The following CCSER1 variants were observed in gnomAD, a reference collection of about 807,000 sequenced individuals.
CCSER1 encodes the protein coiled-coil serine rich protein 1, also known as serine-rich coiled-coil domain-containing protein 1.
Under a neutral mutation model 82.0 loss-of-function variants are expected in CCSER1, and 41 were observed. That is an observed-to-expected ratio of 0.50 (90% confidence interval 0.39 to 0.65). The LOEUF is 0.65. Ranked by LOEUF, CCSER1 falls within the 30% of genes least tolerant of loss-of-function variation. The pLI is 0.00. For missense variants in CCSER1, 1,119 were observed against 1,064.2 expected, an observed-to-expected ratio of 1.05 and a Z score of -0.72; for synonymous variants, 414 against 383.9, an observed-to-expected ratio of 1.08 and a Z score of -0.92.
At chr4:90,251,372 T>A (rs1722353558) in intron 1 of CCSER1, among the ~76,000 whole-genome samples, 1 of 151,980 alleles carries the variant, frequency 6.6e-6, no homozygotes, top group Non-Finnish European at 1.5e-5. Flanking sequence ...GGGATTTTTC[T>A]ACACATCCTT....
chr4:90,594,157 C>A (rs1783029776), intron 5 of CCSER1, among the ~76,000 whole-genome samples: 3 of 151,232 alleles, frequency 2.0e-5, no homozygotes, highest in Non-Finnish European at 3.0e-5. Flanking sequence ...AAAAAAAAAA[C>A]AAGCTCAAAC....
At chr4:91,427,866 T>C (rs1754082933) in intron 10 of CCSER1, among the ~76,000 whole-genome samples, 1 of 152,114 alleles carries the variant, frequency 6.6e-6, no homozygotes, top group South Asian at 2.1e-4. Flanking sequence ...TCTGTTAGTA[T>C]GCTTTTAATA....
At chr4:91,259,108 T>C (rs2149162403) in intron 10 of CCSER1, among the ~76,000 whole-genome samples, 1 of 152,046 alleles carries the variant, frequency 6.6e-6, no homozygotes, top group East Asian at 1.9e-4. Flanking sequence ...AACATAAGGA[T>C]AATTGAAAAA....
chr4:90,723,112 G>A (rs17017461), intron 6 of CCSER1, among the ~76,000 whole-genome samples: 34,419 of 151,826 alleles, frequency 0.23, 4,924 homozygotes, highest in African/African-American at 0.4. Flanking sequence ...GCATATGGGA[G>A]AATCCCTCTG....
At chr4:91,479,573 T>C (rs1214648063) in intron 10 of CCSER1, among the ~76,000 whole-genome samples, 2 of 151,696 alleles carry the variant, frequency 1.3e-5, no homozygotes, top group African/African-American at 4.8e-5. Flanking sequence ...GAAATACTAT[T>C]GGTTGAGTCT....
At chr4:90,525,220 T>G (rs1158004439) in intron 5 of CCSER1, among the ~76,000 whole-genome samples, 1 of 152,194 alleles carries the variant, frequency 6.6e-6, no homozygotes, top group Admixed American at 6.5e-5. Flanking sequence ...TGCTGTTTTC[T>G]AATTGTTTAG....
intron 4 of CCSER1, among the ~76,000 whole-genome samples, chr4:90,452,306 T>A (rs1203788618): frequency 6.6e-6 from 1 of 152,144 alleles, no homozygotes; most frequent in South Asian, 2.1e-4. Context: ...GTGGCTGAGT[T>A]TAGGGAGAGA....
rs867003786 is a variant in CCSER1 at position 91,571,047 on chromosome 4, T to C, written c.2218-27525T>C. Among the ~76,000 whole-genome samples the C allele has an allele frequency of 1.7e-4, 26 of 152,278 alleles. No homozygotes were observed. The East Asian group carries it at 5.0e-3, about 29-fold the overall frequency. On this transcript the variant is annotated intron_variant, in intron 10 of 10. Transcript: ENST00000509176. ...TTCCACCAGTCTCTTTAATAAAGTGTAGCAAGAGTGACCTTTACTCCAGTT... is the reference window on the plus strand; with the variant it reads ...TTCCACCAGTCTCTTTAATAAAGTGCAGCAAGAGTGACCTTTACTCCAGTT...
chr4:91,383,645 T>A (rs1284810962), intron 10 of CCSER1, among the ~76,000 whole-genome samples: 2 of 152,166 alleles, frequency 1.3e-5, no homozygotes, highest in Non-Finnish European at 2.9e-5. Context: ...ACAGAAAACA[T>A]TTGGCTTGCA....
At chr4:91,358,655 A>T (rs1201279931) in intron 10 of CCSER1, among the ~76,000 whole-genome samples, 2 of 152,156 alleles carry the variant, frequency 1.3e-5, no homozygotes, top group East Asian at 1.9e-4. Flanking sequence ...TTCCACTCAG[A>T]TGGAGTGAGG....
chr4:90,498,332 C>G (rs1170748655), intron 5 of CCSER1, among the ~76,000 whole-genome samples: 1 of 152,128 alleles, frequency 6.6e-6, no homozygotes, highest in Non-Finnish European at 1.5e-5. Context: ...TATTTTCAGA[C>G]TGTGATCGAC....
At chr4:90,372,303 A>C (rs1267394846) in intron 3 of CCSER1, among the ~76,000 whole-genome samples, 1 of 152,236 alleles carries the variant, frequency 6.6e-6, no homozygotes, top group African/African-American at 2.4e-5. Context: ...GAATGGACCA[A>C]TAAGAGAAAG....
At chr4:91,275,978 A>G (rs1742405096) in intron 10 of CCSER1, among the ~76,000 whole-genome samples, 1 of 151,898 alleles carries the variant, frequency 6.6e-6, no homozygotes, top group African/African-American at 2.4e-5. Context: ...AAAAACATGG[A>G]TTTATCTGGG....
At chr4:91,139,095 C>A (rs1391603991) in intron 10 of CCSER1, among the ~76,000 whole-genome samples, 1 of 152,118 alleles carries the variant, frequency 6.6e-6, no homozygotes, top group Admixed American at 6.6e-5. Context: ...CCTGAGTACT[C>A]AGTGTTTAGC....
At chr4:90,830,222 A>G (rs968451901) in intron 8 of CCSER1, among the ~76,000 whole-genome samples, 4 of 152,162 alleles carry the variant, frequency 2.6e-5, no homozygotes, top group Admixed American at 6.6e-5. Context: ...TGTTCATACT[A>G]TGTGTCAATA....
At chr4:90,648,284 GGAAAGAAA>G (rs564907502) in intron 6 of CCSER1, among the ~76,000 whole-genome samples, 5,370 of 89,816 alleles carry the variant, frequency 0.06, 138 homozygotes, top group East Asian at 0.093. Context: ...GAGAAAGAAA[GGAAAGAAA>G]GAAAGAAAGA....
chr4:90,935,619 C>T (rs62312319), intron 9 of CCSER1, among the ~76,000 whole-genome samples: 8,088 of 151,998 alleles, frequency 0.053, 303 homozygotes, highest in Admixed American at 0.12. Context: ...GAATGGTTTC[C>T]CAACTTAAAA....
chr4:91,064,515 G>GT (rs1436416045), intron 9 of CCSER1, among the ~76,000 whole-genome samples: 2 of 152,236 alleles, frequency 1.3e-5, no homozygotes, highest in African/African-American at 4.8e-5. Flanking sequence ...CTTATGCAGT[G>GT]TTTCTGCCCA....
chr4:91,425,001 C>T (rs1753889311), intron 10 of CCSER1, among the ~76,000 whole-genome samples: 1 of 152,006 alleles, frequency 6.6e-6, no homozygotes, highest in South Asian at 2.1e-4. Context: ...TTGAATTGGA[C>T]ATGTATGTTT....
Sources: allele counts gnomAD v4.1 joint callset (sites outside exome capture counted in the v4.1 genomes callset), GRCh38; gene constraint gnomAD v4.1.1; transcripts MANE v1.5; gene names NCBI Gene and HGNC (gene_info 2026-07-23, HGNC 2026-07-21).